SH3TC1: variants seen among roughly 807,000 people sequenced by gnomAD.
SH3TC1 encodes the protein SH3 domain and tetratricopeptide repeats 1.
SH3TC1 carries 135 observed loss-of-function variants against 117.3 expected under a neutral mutation model. The observed-to-expected ratio is 1.15, with a 90% confidence interval of 1.00 to 1.33. The LOEUF (loss-of-function observed/expected upper bound fraction) is 1.33. SH3TC1 is among the 40% of genes most tolerant of loss of function. The pLI is 0.00. For missense variants in SH3TC1, 2,092 were observed against 1,794.3 expected, an observed-to-expected ratio of 1.17 and a Z score of -3.00; for synonymous variants, 898 against 816.9, an observed-to-expected ratio of 1.10 and a Z score of -1.69.
chr4:8,186,584 C>A lies in SH3TC1; in HGVS notation c.-57+4374C>A, dbSNP rs1227255304. Among the ~76,000 whole-genome samples, 1 of 152,204 alleles carries A rather than the reference C, an allele frequency of 6.6e-6. No homozygotes were observed. The highest frequency in any genetic ancestry group is 1.5e-5 in the Non-Finnish European group (1 of 68,046). ...GATGGGAGTTTATGCCAATGCCCTG[C>A]ACTGGCTTCCCAACTTATCTATCTA... On this transcript the variant is annotated intron_variant, in intron 1 of 16. Transcript: ENST00000508641. The surrounding 1 kb of genome is among the most constrained non-coding windows in gnomAD (Gnocchi z 5.2).
At chr4:8,229,467 GT>G (rs1720919241) in intron 12 of SH3TC1, among the ~76,000 whole-genome samples, 1 of 104,570 alleles carries the variant, frequency 9.6e-6, no homozygotes, top group African/African-American at 3.6e-5. Flanking sequence ...GTGAGTGGGG[GT>G]GTGATGGGGG....
Position 8,236,391 on chromosome 4 carries a change from GT to G in SH3TC1, c.3522del (p.Phe1174LeufsTer6), listed in dbSNP as rs1354514135. The G allele has an allele frequency of 1.3e-6, 2 of 1,535,850 alleles. No individual in the cohort carries two copies. The highest frequency in any genetic ancestry group is 1.8e-6 in the Non-Finnish European group (2 of 1,139,168). ...TLEEPQEGLE[F>X]AHMALALSIT... ...TGGAGGAGCCCCAGGAGGGCTTGGA[GT>G]TTGCCCACATGGCCCTAGCACTCAG... On this transcript the variant is annotated frameshift_variant, in exon 16 of 18. Coordinates refer to ENST00000245105, the MANE Select transcript of SH3TC1 (RefSeq NM_018986.5). LOFTEE classifies it high-confidence loss of function.
intron 7 of SH3TC1, 91 bp from the exon 8 acceptor site, chr4:8,218,180 T>C (rs1719494356): frequency 1.2e-6 from 1 of 868,442 alleles, no homozygotes; most frequent in East Asian, 2.6e-5. Flanking sequence ...CTCAGGTTGC[T>C]GGGGGCTGCT....
At chr4:8,239,857 G>T in intron 17 of SH3TC1, among the ~76,000 whole-genome samples, 1 of 152,358 alleles carries the variant, frequency 6.6e-6, no homozygotes, top group South Asian at 2.1e-4. Context: ...CATGCACCCG[G>T]CACAGAGTCC....
chr4:8,199,439 C>G (rs2152976043), intron 1 of SH3TC1, 34 bp downstream of exon 1: 1 of 152,506 alleles, frequency 6.6e-6, no homozygotes, highest in African/African-American at 2.4e-5. Flanking sequence ...GGGGCGTGGA[C>G]TGGCCGAGCA....
intron 3 of SH3TC1, 45 bp from the exon 4 acceptor site, chr4:8,212,656 C>G: frequency 6.2e-7 from 1 of 1,611,906 alleles, no homozygotes; most frequent in Non-Finnish European, 8.5e-7. Flanking sequence ...ACAGACTTCC[C>G]AGCCCAGGTC....
At chr4:8,214,028 C>T (rs1366516398) in intron 4 of SH3TC1, among the ~76,000 whole-genome samples, 1 of 152,122 alleles carries the variant, frequency 6.6e-6, no homozygotes, top group Non-Finnish European at 1.5e-5. Flanking sequence ...CCCCTATCAA[C>T]ACTGATTAAT....
At chr4:8,235,598 G>T in intron 15 of SH3TC1, 43 bp downstream of exon 15, 2 of 1,519,340 alleles carry the variant, frequency 1.3e-6, no homozygotes, top group Non-Finnish European at 1.8e-6. Flanking sequence ...CCCAGGGGGG[G>T]CACCTTGAGG....
rs1718090774 is a variant in SH3TC1, at chr4:8,205,134, C to G, written c.-28-33C>G. On this transcript the variant is annotated intron_variant, in intron 1 of 17. Transcript: ENST00000245105. The surrounding 1 kb of genome is among the most constrained non-coding windows in gnomAD (Gnocchi z 5.4). ...ACCTCCGTGCTGGTTCTGGAGGGGC[C>G]ACCTCTCCTGACCACACCCCCTCTG... 1 of 1,435,244 alleles carries G rather than the reference C, an allele frequency of 7.0e-7. No individual in the cohort carries two copies. Among genetic ancestry groups the G allele is most frequent in the Non-Finnish European group, 9.2e-7 (1 of 1,088,586 alleles). 88.9% of individuals were successfully genotyped at this position (1,435,244 alleles called of 1,614,324 possible). A position where few individuals can be genotyped will look rare whatever the true frequency, so the allele number is the denominator to read the frequency against.
chr4:8,211,985 C>T (rs1315091015), intron 3 of SH3TC1, among the ~76,000 whole-genome samples: 3 of 152,034 alleles, frequency 2.0e-5, no homozygotes, highest in Non-Finnish European at 4.4e-5. Flanking sequence ...CAGGTGTGGA[C>T]AGCTGCCCAG....
intron 1 of SH3TC1, among the ~76,000 whole-genome samples, chr4:8,200,192 C>A (rs1298387073): frequency 6.6e-6 from 1 of 152,216 alleles, no homozygotes; most frequent in Non-Finnish European, 1.5e-5. Context: ...GGGCCAGGGG[C>A]AGCCTGCATG....
chr4:8,185,136 C>T (rs1578630593), intron 1 of SH3TC1, among the ~76,000 whole-genome samples: 1 of 151,618 alleles, frequency 6.6e-6, no homozygotes, highest in Non-Finnish European at 1.5e-5. Context: ...AGGAGTTCGA[C>T]ACCAGTCTGA....
chr4:8,225,828 C>T lies in SH3TC1; in HGVS notation c.1285+612C>T, dbSNP rs928565041. On this transcript the variant is annotated intron_variant, in intron 11 of 17. Coordinates refer to ENST00000245105, the MANE Select transcript of SH3TC1 (RefSeq NM_018986.5). The surrounding 1 kb of genome is among the most constrained non-coding windows in gnomAD (Gnocchi z 5.5). Reference sequence around the variant, plus strand: ...CATTTGGGATGCAGGCAGGAGGTCCCAGAGGAGGCCTGGAAGCCAGTGGGG... The same window carrying T: ...CATTTGGGATGCAGGCAGGAGGTCCTAGAGGAGGCCTGGAAGCCAGTGGGG... Among the ~76,000 whole-genome samples, 1 of 152,124 alleles carries T rather than the reference C, an allele frequency of 6.6e-6. No individual in the cohort carries two copies. The highest frequency in any genetic ancestry group is 1.5e-5 in the Non-Finnish European group (1 of 68,028).
intron 2 of SH3TC1, among the ~76,000 whole-genome samples, chr4:8,208,019 C>T (rs1718347074): frequency 6.6e-6 from 1 of 152,216 alleles, no homozygotes; most frequent in Admixed American, 6.5e-5. Flanking sequence ...CAGTGGCGGG[C>T]TGGACAGGAC....
intron 6 of SH3TC1, among the ~76,000 whole-genome samples, 172 bp from the exon 7 acceptor site, chr4:8,216,785 C>G (rs1719319018): frequency 6.6e-6 from 1 of 152,180 alleles, no homozygotes; most frequent in Non-Finnish European, 1.5e-5. Flanking sequence ...TGGGACCTCG[C>G]CCTGGGCCCA....
rs760255556 is a variant in SH3TC1, at chr4:8,222,965, G to A, written c.1238G>A (p.Ser413Asn). The A allele has an allele frequency of 6.2e-7, 1 of 1,609,808 alleles. No homozygotes were observed. The highest frequency in any genetic ancestry group is 1.7e-5 in the Admixed American group (1 of 59,990). ...MSGTDVCSVY[S>N]LDSVEEAETE... ...GGCACCGATGTCTGCAGCGTGTACA[G>A]CCTGGGTGCGTGTGGGCGATGCCTG... The change falls in exon 10 of 18, where the codon AGC becomes AAC. Residue 413 changes from serine to asparagine, a missense_variant. By Grantham distance (46) the Ser-to-Asn change is conservative (BLOSUM62 1). Coordinates refer to ENST00000245105, the MANE Select transcript of SH3TC1 (RefSeq NM_018986.5).
chr4:8,237,391 AG>A, intron 16 of SH3TC1, 82 bp from the exon 17 acceptor site: 2 of 1,223,406 alleles, frequency 1.6e-6, no homozygotes, highest in Non-Finnish European at 2.2e-6. Flanking sequence ...CAGTGCCTGG[AG>A]GCGAGCCAGG....
chr4:8,232,486 C>T, intron 13 of SH3TC1: 1 of 1,424,348 alleles, frequency 7.0e-7, no homozygotes, highest in Non-Finnish European at 9.4e-7. Flanking sequence ...CATCTGACCT[C>T]TGCCTGCCCC....
In SH3TC1 at chr4:8,233,401, T is replaced by C. The variant is rs766175863; in HGVS notation, c.3170T>C (p.Leu1057Pro). Residue 1057 changes from leucine (L) to proline (P), a missense_variant, in exon 14 of 18, where the codon CTG (leucine) becomes CCG (proline). Transcript: ENST00000245105. ...GCACTGGACTACACCAAACGAAGTC[T>C]GGGGATTTTCATTGACCTCCAGAAG... The part of the protein sequence containing the change: ...KSALDYTKRS[L>P]GIFIDLQKKE... 2 of 1,613,668 alleles carry C rather than the reference T, an allele frequency of 1.2e-6. No homozygotes were observed. Among genetic ancestry groups the C allele is most frequent in the Non-Finnish European group, 1.7e-6 (2 of 1,179,870 alleles).
Sources: allele counts gnomAD v4.1 joint callset (sites outside exome capture counted in the v4.1 genomes callset), GRCh38; gene constraint gnomAD v4.1.1; non-coding constraint Gnocchi (gnomAD v3.1); transcripts MANE v1.5; gene names NCBI Gene and HGNC (gene_info 2026-07-23, HGNC 2026-07-21).